The following EYS variants were observed in gnomAD, a reference collection of about 807,000 sequenced individuals.
EYS encodes the protein protein eyes shut homolog.
In EYS, 250 loss-of-function variants were observed where a neutral mutation model predicts 282.1. The observed-to-expected ratio is 0.89, with a 90% confidence interval of 0.80 to 0.98. The LOEUF is 0.98. Among genes scored for constraint, EYS ranks in the 50% least tolerant of loss-of-function variants. EYS has a pLI of 0.00. For synonymous variants in EYS, 1,355 were observed against 1,282.9 expected (o/e 1.06, Z -1.20); for missense variants, 4,016 against 3,709.0 (o/e 1.08, Z -2.15).
chr6:64,845,822 C>T lies in EYS; in HGVS notation c.2993-23000G>A, dbSNP rs529325642. ...AAAAGTAAAATTCTCTCTTCCTTTT[C>T]TAAACTTTCCTCCCTATGTAAATTA... On this transcript the variant is annotated intron_variant, in intron 19 of 42. Transcript: ENST00000503581. Among the ~76,000 whole-genome samples the T allele has an allele frequency of 8.5e-5, 13 of 152,178 alleles. 1 individual carries two copies. In the Middle Eastern group the frequency reaches 0.014, roughly 159 times the overall value.
intron 29 of EYS, among the ~76,000 whole-genome samples, chr6:64,369,129 C>T (rs1304576690): frequency 6.6e-6 from 1 of 151,464 alleles, no homozygotes; most frequent in African/African-American, 2.4e-5. Flanking sequence ...ATGGCTATTC[C>T]AGAACCATTT....
chr6:64,199,467 A>G (rs1207765400), intron 31 of EYS, among the ~76,000 whole-genome samples: 4 of 152,230 alleles, frequency 2.6e-5, no homozygotes, highest in African/African-American at 7.2e-5. Flanking sequence ...CCTAAACCAT[A>G]AAAACCCTAG....
intron 10 of EYS, among the ~76,000 whole-genome samples, chr6:65,338,066 G>A (rs1285129245): frequency 6.6e-6 from 1 of 151,148 alleles, no homozygotes; most frequent in East Asian, 1.9e-4. Flanking sequence ...TAAGGGATGT[G>A]ATATGAACAC....
At chr6:65,219,886 A>G (rs1766415252) in intron 12 of EYS, among the ~76,000 whole-genome samples, 1 of 152,110 alleles carries the variant, frequency 6.6e-6, no homozygotes, top group African/African-American at 2.4e-5. Flanking sequence ...AGGCTTATTC[A>G]CTACCATGAG....
chr6:64,961,138 G>T (rs1209237385), intron 14 of EYS, among the ~76,000 whole-genome samples: 1 of 152,060 alleles, frequency 6.6e-6, no homozygotes, highest in Non-Finnish European at 1.5e-5. Context: ...CTTTATAATA[G>T]AACAATTGAT....
intron 22 of EYS, among the ~76,000 whole-genome samples, chr6:64,778,924 G>A (rs987826017): frequency 6.6e-6 from 1 of 152,076 alleles, no homozygotes; most frequent in Non-Finnish European, 1.5e-5. Flanking sequence ...TGTCATCAGA[G>A]AATTGCAAAT....
At chr6:64,265,036 G>T (rs1767709185) in intron 30 of EYS, among the ~76,000 whole-genome samples, 1 of 152,000 alleles carries the variant, frequency 6.6e-6, no homozygotes, top group South Asian at 2.1e-4. Flanking sequence ...CATTTTATTG[G>T]AATAAAACAA....
intron 19 of EYS, among the ~76,000 whole-genome samples, chr6:64,879,205 A>G (rs1182494116): frequency 6.6e-6 from 1 of 152,060 alleles, no homozygotes; most frequent in African/African-American, 2.4e-5. Context: ...ATCATTTCCT[A>G]TGAAGGGGAA....
intron 30 of EYS, among the ~76,000 whole-genome samples, chr6:64,239,348 G>A (rs1422558866): frequency 6.6e-6 from 1 of 152,124 alleles, no homozygotes; most frequent in Non-Finnish European, 1.5e-5. Flanking sequence ...CACAATGGTT[G>A]AACTAATTTA....
At chr6:64,130,308 G>A (rs964022146) in intron 31 of EYS, among the ~76,000 whole-genome samples, 1 of 152,124 alleles carries the variant, frequency 6.6e-6, no homozygotes, top group African/African-American at 2.4e-5. Flanking sequence ...CCATAAAAGA[G>A]GATGAGTTCA....
chr6:63,773,067 T>G (rs1252786889), intron 40 of EYS, among the ~76,000 whole-genome samples: 5 of 152,162 alleles, frequency 3.3e-5, no homozygotes, highest in Non-Finnish European at 7.4e-5. Flanking sequence ...AAGTCCTCCA[T>G]TATATAAACA....
chr6:63,852,342 C>T (rs1451482263), intron 36 of EYS, among the ~76,000 whole-genome samples: 1 of 152,056 alleles, frequency 6.6e-6, no homozygotes, highest in East Asian at 1.9e-4. Context: ...TCAGGTAATA[C>T]TATGAACACC....
intron 15 of EYS, among the ~76,000 whole-genome samples, chr6:64,924,222 A>C (rs1768441148): frequency 6.6e-6 from 1 of 152,206 alleles, no homozygotes; most frequent in Non-Finnish European, 1.5e-5. Flanking sequence ...GAAGCTGCCA[A>C]GGCTTAGGGC....
chr6:64,160,139 A>G (rs947233520), intron 31 of EYS, among the ~76,000 whole-genome samples: 1 of 152,170 alleles, frequency 6.6e-6, no homozygotes, highest in Non-Finnish European at 1.5e-5. Flanking sequence ...TGTCCACTCA[A>G]TAATTATAAT....
intron 24 of EYS, among the ~76,000 whole-genome samples, chr6:64,599,105 T>G (rs1039281186): frequency 6.6e-6 from 1 of 152,160 alleles, no homozygotes; most frequent in Non-Finnish European, 1.5e-5. Flanking sequence ...TGTGGCTTCT[T>G]TACTTGTTTG....
At chr6:65,186,111 C>T (rs879351690) in intron 12 of EYS, among the ~76,000 whole-genome samples, 4 of 151,652 alleles carry the variant, frequency 2.6e-5, no homozygotes, top group Non-Finnish European at 5.9e-5. Context: ...GATAATCTGT[C>T]TTAGATATTA....
chr6:65,486,622 C>G (rs1250704747), intron 5 of EYS, among the ~76,000 whole-genome samples: 1 of 152,086 alleles, frequency 6.6e-6, no homozygotes, highest in Non-Finnish European at 1.5e-5. Flanking sequence ...AATATTATAA[C>G]AGTGCTTTGG....
chr6:64,635,589 T>C (rs1164340964), intron 22 of EYS, among the ~76,000 whole-genome samples: 1 of 152,214 alleles, frequency 6.6e-6, no homozygotes, highest in Admixed American at 6.5e-5. Flanking sequence ...TATCATGTGG[T>C]ATTTGTCTTT....
intron 8 of EYS, among the ~76,000 whole-genome samples, chr6:65,361,489 C>CTT (rs56757711): frequency 1.4e-5 from 2 of 147,420 alleles, no homozygotes; most frequent in Non-Finnish European, 3.0e-5. Context: ...TCGTTCGTTC[C>CTT]TTTTTTTTTT....
Sources: allele counts gnomAD v4.1 joint callset (sites outside exome capture counted in the v4.1 genomes callset), GRCh38; gene constraint gnomAD v4.1.1; transcripts MANE v1.5; gene names NCBI Gene and HGNC (gene_info 2026-07-23, HGNC 2026-07-21).